The following SPOCK1 variants were observed in gnomAD, a reference collection of about 807,000 sequenced individuals.
SPOCK1 encodes the protein SPARC (osteonectin), cwcv and kazal like domains proteoglycan 1, also known as testican-1.
SPOCK1 carries 23 observed loss-of-function variants against 55.3 expected under a neutral mutation model. The observed-to-expected ratio is 0.42, with a 90% CI of 0.30 to 0.59. The LOEUF (loss-of-function observed/expected upper bound fraction) is 0.59, where lower values mean the gene tolerates loss of function less well. Ranked by LOEUF, SPOCK1 falls within the 20% of genes least tolerant of loss-of-function variation. SPOCK1 has a pLI of 0.22. For missense variants in SPOCK1, 499 were observed against 552.5 expected (o/e 0.90, Z 0.97); for synonymous variants, 226 against 221.0 (o/e 1.02, Z -0.20).
Position 137,079,055 on chromosome 5 carries a change from A to G in SPOCK1, c.475-11226T>C, listed in dbSNP as rs9327770. Among the ~76,000 whole-genome samples, 520 of 152,266 alleles carry G rather than the reference A, an allele frequency of 3.4e-3. 2 individuals carry two copies. The highest frequency in any genetic ancestry group is 0.012 in the African/African-American group (487 of 41,546). On this transcript the variant is annotated intron_variant, in intron 5 of 10. Coordinates refer to ENST00000394945, the MANE Select transcript of SPOCK1 (RefSeq NM_004598.4). ...TTACTCCCCCTCGGTCTCCTCGGCC[A>G]TGTCCCTTGAGGCTTCCTCTTGGAT...
At chr5:137,259,243 T>C (rs1344111431) in intron 3 of SPOCK1, among the ~76,000 whole-genome samples, 1 of 152,092 alleles carries the variant, frequency 6.6e-6, no homozygotes, top group African/African-American at 2.4e-5. Context: ...CCAACCCAAA[T>C]GCTCATTAAT....
chr5:137,134,603 C>G (rs975254212), intron 4 of SPOCK1, among the ~76,000 whole-genome samples: 3 of 152,234 alleles, frequency 2.0e-5, no homozygotes, highest in Non-Finnish European at 4.4e-5. Context: ...CACAATCACT[C>G]TTTGGTCACT....
intron 6 of SPOCK1, among the ~76,000 whole-genome samples, chr5:137,058,943 A>T (rs943124974): frequency 1.3e-5 from 2 of 152,208 alleles, no homozygotes; most frequent in African/African-American, 4.8e-5. Context: ...GGACCAGAGC[A>T]TGTTGCCTTG....
chr5:137,278,956 T>C (rs1283587346), intron 2 of SPOCK1, among the ~76,000 whole-genome samples: 5 of 152,288 alleles, frequency 3.3e-5, no homozygotes, highest in South Asian at 4.2e-4. Flanking sequence ...GCTGTCCTAC[T>C]TCCCCCCAGG....
At chr5:137,072,061 G>T (rs1040478245) in intron 5 of SPOCK1, among the ~76,000 whole-genome samples, 1 of 152,162 alleles carries the variant, frequency 6.6e-6, no homozygotes, top group African/African-American at 2.4e-5. Flanking sequence ...ATAAAGCACA[G>T]ATCTTTGTGC....
At chr5:137,383,360 C>T (rs1409539724) in intron 2 of SPOCK1, among the ~76,000 whole-genome samples, 1 of 152,218 alleles carries the variant, frequency 6.6e-6, no homozygotes, top group Non-Finnish European at 1.5e-5. Context: ...GTATCTACTG[C>T]TGGCCTGAAG....
intron 2 of SPOCK1, among the ~76,000 whole-genome samples, chr5:137,441,192 A>C (rs1752998635): frequency 6.6e-6 from 1 of 152,234 alleles, no homozygotes; most frequent in South Asian, 2.1e-4. Flanking sequence ...AGGTTTCTCC[A>C]ATCTCTTTAT....
chr5:137,007,595 T>C (rs762500957), intron 6 of SPOCK1, among the ~76,000 whole-genome samples: 5 of 152,168 alleles, frequency 3.3e-5, no homozygotes, highest in Non-Finnish European at 7.4e-5. Flanking sequence ...TGAGATACCA[T>C]CTCAGGCCAG....
chr5:137,171,404 A>G (rs1345770408), intron 3 of SPOCK1, among the ~76,000 whole-genome samples: 2 of 152,102 alleles, frequency 1.3e-5, no homozygotes, highest in Non-Finnish European at 2.9e-5. Context: ...CAGAGCTGGC[A>G]CTTGATCAAC....
chr5:137,279,078 C>T (rs1222555474), intron 2 of SPOCK1, among the ~76,000 whole-genome samples: 1 of 152,006 alleles, frequency 6.6e-6, no homozygotes, highest in African/African-American at 2.4e-5. Flanking sequence ...CCTCAATGCC[C>T]GATGACACAT....
chr5:137,025,896 AAGG>A (rs1286997970), intron 6 of SPOCK1, among the ~76,000 whole-genome samples: 1 of 152,300 alleles, frequency 6.6e-6, no homozygotes, highest in Non-Finnish European at 1.5e-5. Context: ...TAGCTGCAGG[AAGG>A]AGAAGAAACT....
intron 2 of SPOCK1, among the ~76,000 whole-genome samples, chr5:137,386,324 C>G (rs1751598442): frequency 6.6e-6 from 1 of 152,172 alleles, no homozygotes; most frequent in Non-Finnish European, 1.5e-5. Flanking sequence ...TTAATGCAAT[C>G]CTAATCAAAC....
Position 137,332,508 on chromosome 5 carries a change from G to T in SPOCK1, c.187-65453C>A, listed in dbSNP as rs139756436. Among the ~76,000 whole-genome samples, 1,358 of 152,244 alleles carry T rather than the reference G, an allele frequency of 8.9e-3. 14 individuals are homozygous for T. Among genetic ancestry groups the T allele is most frequent in the Middle Eastern group, 0.051 (15 of 294 alleles). Reference sequence around the variant, plus strand: ...CCTAATGCTTGAAAGAAACTGCTTTGCTTATCTCAACAGGCCCTGTATGAT... The same window carrying T: ...CCTAATGCTTGAAAGAAACTGCTTTTCTTATCTCAACAGGCCCTGTATGAT... On this transcript the variant is annotated intron_variant, in intron 2 of 10. Transcript: ENST00000394945.
intron 2 of SPOCK1, among the ~76,000 whole-genome samples, chr5:137,353,555 T>C (rs967266550): frequency 3.3e-5 from 5 of 152,144 alleles, no homozygotes; most frequent in African/African-American, 1.2e-4. Context: ...AACAAATGTC[T>C]CTGCTCAGAT....
At chr5:137,005,840 A>G (rs1751237235) in intron 6 of SPOCK1, among the ~76,000 whole-genome samples, 1 of 152,238 alleles carries the variant, frequency 6.6e-6, no homozygotes. Flanking sequence ...GACATAATTT[A>G]AAATACAATT....
At chr5:137,148,039 C>T (rs1324639085) in intron 3 of SPOCK1, among the ~76,000 whole-genome samples, 1 of 152,188 alleles carries the variant, frequency 6.6e-6, no homozygotes, top group African/African-American at 2.4e-5. Context: ...CCTACCCTTC[C>T]TCTCCGGACA....
At chr5:137,133,801 A>C (rs998172034) in intron 4 of SPOCK1, among the ~76,000 whole-genome samples, 1 of 152,214 alleles carries the variant, frequency 6.6e-6, no homozygotes, top group South Asian at 2.1e-4. Context: ...AGAAGGGGAA[A>C]AATGAACTCA....
intron 6 of SPOCK1, among the ~76,000 whole-genome samples, chr5:137,025,537 C>T (rs951035929): frequency 6.6e-6 from 1 of 152,124 alleles, no homozygotes; most frequent in Non-Finnish European, 1.5e-5. Context: ...GTAAATAAAA[C>T]ATAATTCCTG....
At chr5:137,062,525 A>ACATAATAAT (rs1752412299) in intron 6 of SPOCK1, among the ~76,000 whole-genome samples, 1 of 143,464 alleles carries the variant, frequency 7.0e-6, no homozygotes, top group Non-Finnish European at 1.5e-5. Context: ...CAAGCATTAT[A>ACATAATAAT]AATAATAATA....
Sources: allele counts gnomAD v4.1 joint callset (sites outside exome capture counted in the v4.1 genomes callset), GRCh38; gene constraint gnomAD v4.1.1; transcripts MANE v1.5; gene names NCBI Gene and HGNC (gene_info 2026-07-23, HGNC 2026-07-21).